The following TACR3 variants were observed in gnomAD, a reference collection of about 807,000 sequenced individuals.
TACR3 encodes neuromedin-K receptor.
Under a neutral mutation model 35.0 loss-of-function variants are expected in TACR3, and 34 were observed. The ratio of observed to expected loss-of-function variants is 0.97; its 90% confidence interval spans 0.74 to 1.30. The LOEUF is 1.30. Ranked by LOEUF, TACR3 falls within the 50% of genes most tolerant of loss-of-function variation. TACR3 has a pLI of 0.00. For synonymous variants in TACR3, 233 were observed against 221.1 expected, an observed-to-expected ratio of 1.05 and a Z score of -0.48; for missense variants, 558 against 591.7, an observed-to-expected ratio of 0.94 and a Z score of 0.59.
At chr4:103,633,062 C>CTT (rs3053029) in intron 3 of TACR3, among the ~76,000 whole-genome samples, 83,620 of 151,664 alleles carry the variant, frequency 0.55, 23,707 homozygotes, top group African/African-American at 0.65. Context: ...TTTTGTCCCT[C>CTT]TTACTGACAT....
Position 103,629,512 on chromosome 4 carries a change from C to G in TACR3, c.888+26682G>C, listed in dbSNP as rs577718311. ...ACACCAATAGCAGACAAACAGAGAT[C>G]CAAATCATGAGTGAACTCCCATTCA... On this transcript the variant is annotated intron_variant, in intron 3 of 4. Coordinates refer to ENST00000304883, the MANE Select transcript of TACR3 (RefSeq NM_001059.3). 3.3e-5 allele frequency among the ~76,000 whole-genome samples: 5 copies of G among 152,142 alleles called. No individual in the cohort carries two copies. In the East Asian group the frequency reaches 9.7e-4, roughly 29 times the overall value.
At chr4:103,716,603 T>C (rs1040057783) in intron 1 of TACR3, among the ~76,000 whole-genome samples, 1 of 152,122 alleles carries the variant, frequency 6.6e-6, no homozygotes, top group Admixed American at 6.6e-5. Flanking sequence ...GATACAGGCG[T>C]TCATTGAGGG....
chr4:103,625,424 CAAAAG>C (rs1375336293), intron 3 of TACR3, among the ~76,000 whole-genome samples: 2 of 150,306 alleles, frequency 1.3e-5, no homozygotes, highest in East Asian at 3.9e-4. Context: ...CAAGGATAGA[CAAAAG>C]AGAAGTAGAA....
At chr4:103,620,520 A>T (rs989366748) in intron 3 of TACR3, among the ~76,000 whole-genome samples, 1 of 152,232 alleles carries the variant, frequency 6.6e-6, no homozygotes, top group Non-Finnish European at 1.5e-5. Flanking sequence ...ATGATAGAGT[A>T]CAATTTAAAA....
intron 1 of TACR3, among the ~76,000 whole-genome samples, chr4:103,686,030 T>C (rs1466562475): frequency 1.3e-5 from 2 of 152,150 alleles, no homozygotes; most frequent in Non-Finnish European, 2.9e-5. Context: ...GTTAAAACAA[T>C]CAGTGGTTAA....
At chr4:103,655,039 A>T (rs532836244) in intron 3 of TACR3, among the ~76,000 whole-genome samples, 1 of 152,332 alleles carries the variant, frequency 6.6e-6, no homozygotes, top group African/African-American at 2.4e-5. Flanking sequence ...AATAAAATTG[A>T]ATTACATACA....
chr4:103,680,739 A>G (rs1052313233), intron 1 of TACR3, among the ~76,000 whole-genome samples: 1 of 151,698 alleles, frequency 6.6e-6, no homozygotes. Flanking sequence ...ACTGTTGACA[A>G]CTATAGATTT....
At chr4:103,696,727 T>C (rs998371610) in intron 1 of TACR3, among the ~76,000 whole-genome samples, 3 of 152,204 alleles carry the variant, frequency 2.0e-5, no homozygotes, top group African/African-American at 7.2e-5. Flanking sequence ...TCACCTTTCA[T>C]AATTCCCTCA....
chr4:103,716,004 A>G (rs984070257), intron 1 of TACR3, among the ~76,000 whole-genome samples: 2 of 152,192 alleles, frequency 1.3e-5, no homozygotes, highest in Non-Finnish European at 2.9e-5. Flanking sequence ...AGTCATCACA[A>G]CTTGTTAGGT....
intron 1 of TACR3, among the ~76,000 whole-genome samples, chr4:103,696,522 T>C (rs772518832): frequency 6.6e-6 from 1 of 152,240 alleles, no homozygotes; most frequent in East Asian, 1.9e-4. Flanking sequence ...GTTTCTATGC[T>C]TTGACAAAGC....
chr4:103,626,797 T>C (rs922338724), intron 3 of TACR3, among the ~76,000 whole-genome samples: 1 of 150,786 alleles, frequency 6.6e-6, no homozygotes. Context: ...AATTTCTTTT[T>C]ACTGATTAGA....
chr4:103,647,366 TTTC>T (rs1182819946), intron 3 of TACR3, among the ~76,000 whole-genome samples: 1 of 151,910 alleles, frequency 6.6e-6, no homozygotes, highest in Non-Finnish European at 1.5e-5. Context: ...TCAGTTTCCT[TTTC>T]TAGATACTAA....
chr4:103,625,957 C>A (rs754819523), intron 3 of TACR3, among the ~76,000 whole-genome samples: 1 of 152,132 alleles, frequency 6.6e-6, no homozygotes, highest in African/African-American at 2.4e-5. Flanking sequence ...ACATGAAGAT[C>A]CCAGAGGGAT....
chr4:103,640,098 GC>G (rs112696440), intron 3 of TACR3, among the ~76,000 whole-genome samples: 6 of 151,972 alleles, frequency 3.9e-5, no homozygotes, highest in South Asian at 2.1e-4. Flanking sequence ...TCAAAACATT[GC>G]AAGAAAAATA....
chr4:103,600,491 C>T (rs111473647), intron 3 of TACR3, among the ~76,000 whole-genome samples: 2 of 152,162 alleles, frequency 1.3e-5, no homozygotes, highest in African/African-American at 4.8e-5. Context: ...TTATTTCTTG[C>T]CTTCTGCTAG....
At chr4:103,630,504 T>C (rs1725033083) in intron 3 of TACR3, among the ~76,000 whole-genome samples, 3 of 151,926 alleles carry the variant, frequency 2.0e-5, no homozygotes, top group Admixed American at 2.0e-4. Context: ...AACAACCCCA[T>C]CAAAAAGTGG....
At chr4:103,630,983 G>A (rs1251123114) in intron 3 of TACR3, among the ~76,000 whole-genome samples, 1 of 152,136 alleles carries the variant, frequency 6.6e-6, no homozygotes, top group Non-Finnish European at 1.5e-5. Flanking sequence ...ATATACACAT[G>A]GAATACAATG....
chr4:103,702,166 A>T (rs1722666621), intron 1 of TACR3, among the ~76,000 whole-genome samples: 1 of 152,266 alleles, frequency 6.6e-6, no homozygotes, highest in African/African-American at 2.4e-5. Context: ...CAAAGGGCTA[A>T]TATCCAGAAT....
chr4:103,719,069 A>T, intron 1 of TACR3, 59 bp downstream of exon 1: 1 of 1,605,136 alleles, frequency 6.2e-7, no homozygotes, highest in Non-Finnish European at 8.5e-7. Flanking sequence ...ATCTTATCCC[A>T]CCGCCCAGTT....
Sources: gnomAD v4.1 joint callset for allele counts (sites outside exome capture counted in the v4.1 genomes callset) on GRCh38, gnomAD v4.1.1 for gene constraint, MANE v1.5 for transcripts, NCBI Gene and HGNC (gene_info 2026-07-23, HGNC 2026-07-21) for gene names.